The following UBQLN2 variants were observed in gnomAD, a reference collection of about 807,000 sequenced individuals.
UBQLN2 encodes the protein ubiquilin 2.
In UBQLN2, 2 loss-of-function variants were observed where a neutral mutation model predicts 22.2. The observed-to-expected ratio is 0.09, with a 90% CI of 0.04 to 0.28. The LOEUF (loss-of-function observed/expected upper bound fraction) is 0.28, where lower values mean the gene tolerates loss of function less well. Among genes scored for constraint, UBQLN2 ranks in the 10% least tolerant of loss-of-function variants. The probability of loss-of-function intolerance (pLI) is 1.00; values close to 1 mark genes in which losing one functional copy is unlikely to be tolerated. For synonymous variants in UBQLN2, 252 were observed against 206.7 expected, an observed-to-expected ratio of 1.22 and a Z score of -1.88; for missense variants, 446 against 505.1, an observed-to-expected ratio of 0.88 and a Z score of 1.12.
Position 56,565,669 on chromosome X carries a change from C to G in UBQLN2, c.1796C>G (p.Ala599Gly). ...LNAMGFLNRE[A>G]NLQALIATGG... ...GCAATGGGGTTCTTAAACCGTGAAGCAAACTTGCAGGCCCTAATAGCAACA... is the reference window on the plus strand; with the variant it reads ...GCAATGGGGTTCTTAAACCGTGAAGGAAACTTGCAGGCCCTAATAGCAACA... The change falls in exon 1 of 1, where the codon GCA (alanine) becomes GGA (glycine). Residue 599 changes from alanine to glycine, a missense_variant. Ala to Gly is a moderately conservative substitution (Grantham distance 60). Transcript: ENST00000338222. 1 of 1,212,071 alleles carries G rather than the reference C, an allele frequency of 8.3e-7. No homozygotes were observed. Among genetic ancestry groups the G allele is most frequent in the Non-Finnish European group, 1.1e-6 (1 of 895,496 alleles).
Position 56,565,318 on chromosome X carries a change from T to A in UBQLN2, c.1445T>A (p.Val482Glu). The A allele has an allele frequency of 8.3e-7, 1 of 1,210,270 alleles. No individual in the cohort carries two copies. The highest frequency in any genetic ancestry group is 1.1e-6 in the Non-Finnish European group (1 of 894,669). The change falls in exon 1 of 1, where the codon GTG (valine) becomes GAG (glutamate). Residue 482 changes from valine (V) to glutamate (E), a missense_variant. This residue lies in a region of UBQLN2 where 278 missense variants were observed against 279.4 expected (regional missense o/e 1.00). Coordinates refer to ENST00000338222, the MANE Select transcript of UBQLN2 (RefSeq NM_013444.4). The part of the protein sequence containing the change: ...LIPSFTPGVG[V>E]GVLGTAIGPV... ...CCGAGCTTCACTCCAGGTGTGGGGGTGGGGGTGCTGGGAACCGCTATAGGC... is the reference window on the plus strand; with the variant it reads ...CCGAGCTTCACTCCAGGTGTGGGGGAGGGGGTGCTGGGAACCGCTATAGGC...
Position 56,564,731 on chromosome X carries a change from G to T in UBQLN2, c.858G>T (p.Gln286His), listed in dbSNP as rs148135031. The change falls in exon 1 of 1, where the codon CAG becomes CAT. Residue 286 changes from glutamine (Q) to histidine (H), a missense_variant. Gln to His is a conservative substitution (Grantham distance 24, BLOSUM62 0). Around this residue, in one of 3 missense-constraint regions of UBQLN2, gnomAD observed 278 missense variants for 279.4 expected, o/e 1.00. Transcript: ENST00000338222. ...QEPMLNAAQE[Q>H]FGGNPFASVG... ...CGATGCTGAATGCCGCACAAGAGCA[G>T]TTTGGGGGTAATCCATTTGCCTCCG... 2 of 1,209,776 alleles carry T rather than the reference G, an allele frequency of 1.7e-6. No homozygotes were observed. The highest frequency in any genetic ancestry group is 1.8e-5 in the African/African-American group (1 of 57,102).
chrX:56,564,932 C>T lies in UBQLN2; in HGVS notation c.1059C>T (p.Thr353=), dbSNP rs1370877343. 3 of 1,210,809 alleles carry T rather than the reference C, an allele frequency of 2.5e-6. No homozygotes were observed. Among genetic ancestry groups the T allele is most frequent in the Non-Finnish European group, 3.4e-6 (3 of 894,994 alleles). The change falls in exon 1 of 1, where the codon ACC becomes ACT. Residue 353 remains threonine (T), a synonymous_variant. Transcript: ENST00000338222. ...GTTCCAGCAATGCTACTGGGAACAC[C>T]GTTGCTGCCGCTAATTATGTCGCCA... is the stretch of plus-strand genomic sequence containing the variant. The part of the protein sequence containing the change: ...GNSSSNATGN[T]VAAANYVASI...
At position 56,564,129 on chromosome X, in the gene UBQLN2, A is replaced by C; in HGVS notation, c.256A>C (p.Thr86Pro). ...FAGKILKDQD[T>P]LIQHGIHDGL... ...CGGAAAAATCTTAAAAGATCAAGAT[A>C]CCTTGATCCAGCATGGCATCCATGA... is the stretch of plus-strand genomic sequence containing the variant. Residue 86 changes from threonine (T) to proline (P), a missense_variant, in exon 1 of 1, where the codon ACC becomes CCC. Transcript: ENST00000338222. 1.7e-6 allele frequency: 2 copies of C among 1,211,120 alleles called. No individual in the cohort carries two copies. Among genetic ancestry groups the C allele is most frequent in the Non-Finnish European group, 2.2e-6 (2 of 895,060 alleles).
chrX:56,565,059 A>G lies in UBQLN2; in HGVS notation c.1186A>G (p.Met396Val). 1 of 1,211,896 alleles carries G rather than the reference A, an allele frequency of 8.3e-7. No homozygotes were observed. Among genetic ancestry groups the G allele is most frequent in the African/African-American group, 1.7e-5 (1 of 57,880 alleles). The change falls in exon 1 of 1, where the codon ATG becomes GTG. Residue 396 changes from methionine to valine, a missense_variant. Physicochemically the swap from Met to Val is conservative, Grantham distance 21. This residue lies in a region of UBQLN2 where 278 missense variants were observed against 279.4 expected (regional missense o/e 1.00). Coordinates refer to ENST00000338222, the MANE Select transcript of UBQLN2 (RefSeq NM_013444.4). ...MLSAPYMRSM[M>V]QSLSQNPDLA... is the part of the protein sequence containing the mutation. ...GTCGGCGCCCTACATGAGAAGCATG[A>G]TGCAGTCGCTGAGCCAGAATCCAGA...
rs1417300108 is a variant in UBQLN2 at position 56,567,105 on chromosome X, G to A, written c.*1357G>A. On this transcript the variant is annotated 3_prime_UTR_variant, in exon 1 of 1. Coordinates refer to ENST00000338222, the MANE Select transcript of UBQLN2 (RefSeq NM_013444.4). ...GAATTATCTTGATGTATGGATTTAGGTATTCTAACTTTTTTGCCCCAAAGG... is the reference window on the plus strand; with the variant it reads ...GAATTATCTTGATGTATGGATTTAGATATTCTAACTTTTTTGCCCCAAAGG... 1.6e-5 allele frequency: 2 copies of A among 122,382 alleles called. No individual in the cohort carries two copies. The highest frequency in any genetic ancestry group is 3.7e-4 in the South Asian group (1 of 2,670). 10.1% of individuals were successfully genotyped at this position (122,382 alleles called of 1,213,427 possible).
rs201549050 is a variant in UBQLN2, at chrX:56,564,892, G to T, written c.1019G>T (p.Ser340Ile). The stretch of plus-strand genomic sequence containing the variant: ...ACCAGCACGACCACAAGCACTGGTA[G>T]TGGGTCTGGCAATAGTTCCAGCAAT... ...ATTSTTTSTG[S>I]GSGNSSSNAT... The change falls in exon 1 of 1, where the codon AGT becomes ATT. Residue 340 changes from serine (S) to isoleucine (I), a missense_variant. Physicochemically the swap from Ser to Ile is moderately radical, Grantham distance 142 (BLOSUM62 -2). Coordinates refer to ENST00000338222, the MANE Select transcript of UBQLN2 (RefSeq NM_013444.4). 1.6e-5 allele frequency: 19 copies of T among 1,211,299 alleles called. No individual in the cohort carries two copies. Among genetic ancestry groups the T allele is most frequent in the Middle Eastern group, 4.6e-4 (2 of 4,355 alleles).
Position 56,567,379 on chromosome X carries a change from A to C in UBQLN2, c.*1631A>C, listed in dbSNP as rs950412535. On this transcript the variant is annotated 3_prime_UTR_variant, in exon 1 of 1. Coordinates refer to ENST00000338222, the MANE Select transcript of UBQLN2 (RefSeq NM_013444.4). ...ATTTTACCAGATGAATTTTACAGTT[A>C]ATAGATTCTTCCCCCAAAAATATAT... is the stretch of plus-strand genomic sequence containing the variant. 2 of 122,939 alleles carry C rather than the reference A, an allele frequency of 1.6e-5. No individual in the cohort carries two copies. The highest frequency in any genetic ancestry group is 6.5e-5 in the African/African-American group (2 of 30,753). 10.1% of individuals were successfully genotyped at this position (122,939 alleles called of 1,213,427 possible).
At position 56,566,406 on chromosome X, in the gene UBQLN2, A is replaced by G. The variant is rs2068642809; in HGVS notation, c.*658A>G. ...CAATTGGCACTGTACATCTAAAAAT[A>G]TTACAGTAGAATCTGAGTGTAATAT... is the stretch of plus-strand genomic sequence containing the variant. On this transcript the variant is annotated 3_prime_UTR_variant, in exon 1 of 1. Transcript: ENST00000338222. 1.6e-5 allele frequency: 2 copies of G among 123,920 alleles called. No individual in the cohort carries two copies. Among genetic ancestry groups the G allele is most frequent in the Admixed American group, 9.4e-5 (1 of 10,676 alleles). 10.2% of individuals were successfully genotyped at this position (123,920 alleles called of 1,213,427 possible). A position where few individuals can be genotyped will look rare whatever the true frequency, so the allele number is the denominator to read the frequency against.
In UBQLN2 at chrX:56,565,312, T is replaced by C. The variant is rs763116934; in HGVS notation, c.1439T>C (p.Val480Ala). 8.3e-7 allele frequency: 1 copy of C among 1,210,723 alleles called. No homozygotes were observed. The highest frequency in any genetic ancestry group is 1.1e-6 in the Non-Finnish European group (1 of 894,821). The change falls in exon 1 of 1, where the codon GTG becomes GCG. Residue 480 changes from valine to alanine, a missense_variant. Physicochemically the swap from Val to Ala is moderately conservative, Grantham distance 64 (BLOSUM62 0). Transcript: ENST00000338222. ...CTGATTCCGAGCTTCACTCCAGGTG[T>C]GGGGGTGGGGGTGCTGGGAACCGCT... ...PGLIPSFTPGVGVGVLGTAIG... is the reference protein window; with the variant it reads ...PGLIPSFTPGAGVGVLGTAIG...
rs772848578 is a variant in UBQLN2, at chrX:56,565,149, A to T, written c.1276A>T (p.Met426Leu). 3 of 1,211,578 alleles carry T rather than the reference A, an allele frequency of 2.5e-6. No homozygotes were observed. The highest frequency in any genetic ancestry group is 3.5e-5 in the African/African-American group (2 of 57,884). ...FTANPQLQEQ[M>L]RPQLPAFLQQ... ...TGCAAATCCTCAGCTGCAGGAGCAGATGCGGCCACAGCTCCCAGCCTTCCT... is the reference window on the plus strand; with the variant it reads ...TGCAAATCCTCAGCTGCAGGAGCAGTTGCGGCCACAGCTCCCAGCCTTCCT... Residue 426 changes from methionine to leucine, a missense_variant, in exon 1 of 1, where the codon ATG (methionine) becomes TTG (leucine). By Grantham distance (15) the Met-to-Leu change is conservative. Around this residue, in one of 3 missense-constraint regions of UBQLN2, gnomAD observed 278 missense variants for 279.4 expected, o/e 1.00. Transcript: ENST00000338222.
chrX:56,564,353 C>T lies in UBQLN2; in HGVS notation c.480C>T (p.Ser160=). The change falls in exon 1 of 1, where the codon AGC becomes AGT. Residue 160 remains serine, a synonymous_variant. Coordinates refer to ENST00000338222, the MANE Select transcript of UBQLN2 (RefSeq NM_013444.4). ...CAGGCCTTAGCAGCCTGGGCTTGAGCTCGACCAACTTCTCTGAGCTCCAGA... is the reference window on the plus strand; with the variant it reads ...CAGGCCTTAGCAGCCTGGGCTTGAGTTCGACCAACTTCTCTGAGCTCCAGA... ...GLAGLSSLGL[S]STNFSELQSQ... The T allele has an allele frequency of 8.3e-7, 1 of 1,211,776 alleles. No homozygotes were observed. The highest frequency in any genetic ancestry group is 1.1e-6 in the Non-Finnish European group (1 of 895,524).
At position 56,565,870 on chromosome X, in the gene UBQLN2, T is replaced by C; in HGVS notation, c.*122T>C. 1 of 728,592 alleles carries C rather than the reference T, an allele frequency of 1.4e-6. No individual in the cohort carries two copies. The highest frequency in any genetic ancestry group is 2.1e-6 in the Non-Finnish European group (1 of 478,913). The allele number at this position is 728,592 out of a possible 1,213,427, so 60.0% of individuals were successfully genotyped here. A position where few individuals can be genotyped will look rare whatever the true frequency, so the allele number is the denominator to read the frequency against. ...TGATTCTTTTAAATCTGTCTAGTTGTAAGTCTAATATGATGCATTTTAAGA... is the reference window on the plus strand; with the variant it reads ...TGATTCTTTTAAATCTGTCTAGTTGCAAGTCTAATATGATGCATTTTAAGA... On this transcript the variant is annotated 3_prime_UTR_variant, in exon 1 of 1. Coordinates refer to ENST00000338222, the MANE Select transcript of UBQLN2 (RefSeq NM_013444.4).
In UBQLN2 at chrX:56,564,241, C is replaced by G. The variant is rs1450623972; in HGVS notation, c.368C>G (p.Thr123Ser). 4 of 1,209,306 alleles carry G rather than the reference C, an allele frequency of 3.3e-6. No individual in the cohort carries two copies. Among genetic ancestry groups the G allele is most frequent in the Admixed American group, 2.2e-5 (1 of 45,776 alleles). ...CCTAGCAATGCCGCGGGAACTAACA[C>G]TACCTCGGCGTCGACTCCCAGGAGT... is the stretch of plus-strand genomic sequence containing the variant. ...TQPSNAAGTN[T>S]TSASTPRSNS... Residue 123 changes from threonine to serine, a missense_variant, in exon 1 of 1, where the codon ACT becomes AGT. By Grantham distance (58) the Thr-to-Ser change is moderately conservative (BLOSUM62 1). Around this residue, in one of 3 missense-constraint regions of UBQLN2, gnomAD observed 129 missense variants for 198.1 expected, o/e 0.65. Transcript: ENST00000338222.
In UBQLN2 at chrX:56,563,653, A is replaced by G. The variant is rs2068626285; in HGVS notation, c.-221A>G. Reference sequence around the variant, plus strand: ...CAAGGCGGCGGCGGAGGAGGCCCAGAGACCGGAGCGCGGAGACCTCAGCCA... The same window carrying G: ...CAAGGCGGCGGCGGAGGAGGCCCAGGGACCGGAGCGCGGAGACCTCAGCCA... On this transcript the variant is annotated 5_prime_UTR_variant, in exon 1 of 1. Transcript: ENST00000338222. The G allele has an allele frequency of 8.8e-6, 3 of 339,777 alleles. No individual in the cohort carries two copies. The highest frequency in any genetic ancestry group is 1.5e-5 in the Non-Finnish European group (3 of 199,382). The allele number at this position is 339,777 out of a possible 1,213,427, so 28.0% of individuals were successfully genotyped here. A position where few individuals can be genotyped will look rare whatever the true frequency, so the allele number is the denominator to read the frequency against.
rs2068629443 is a variant in UBQLN2, at chrX:56,564,131, C to T, written c.258C>T (p.Thr86=). The stretch of plus-strand genomic sequence containing the variant: ...GAAAAATCTTAAAAGATCAAGATAC[C>T]TTGATCCAGCATGGCATCCATGATG... ...FAGKILKDQD[T]LIQHGIHDGL... The change falls in exon 1 of 1, where the codon ACC becomes ACT. Residue 86 remains threonine, a synonymous_variant. Transcript: ENST00000338222. 8.3e-7 allele frequency: 1 copy of T among 1,211,391 alleles called. No individual in the cohort carries two copies. The highest frequency in any genetic ancestry group is 1.1e-6 in the Non-Finnish European group (1 of 895,080).
Position 56,564,232 on chromosome X carries a change from G to C in UBQLN2, c.359G>C (p.Gly120Ala), listed in dbSNP as rs143736302. The C allele has an allele frequency of 4.2e-5, 51 of 1,209,158 alleles. No individual in the cohort carries two copies. The African/African-American group carries it at 8.8e-4, about 21-fold the overall frequency. Residue 120 changes from glycine (G) to alanine (A), a missense_variant, in exon 1 of 1, where the codon GGA becomes GCA. Gly to Ala is a moderately conservative substitution (Grantham distance 60). This residue lies in a region of UBQLN2 where 129 missense variants were observed against 198.1 expected (regional missense o/e 0.65). Transcript: ENST00000338222. Reference sequence around the variant, plus strand: ...TCCACGCAGCCTAGCAATGCCGCGGGAACTAACACTACCTCGGCGTCGACT... The same window carrying C: ...TCCACGCAGCCTAGCAATGCCGCGGCAACTAACACTACCTCGGCGTCGACT... The part of the protein sequence containing the change: ...GQSTQPSNAA[G>A]TNTTSASTPR...
Sources: gnomAD v4.1 joint callset for allele counts on GRCh38, gnomAD v4.1.1 for gene constraint, gnomAD v4.1.1 regional missense constraint, MANE v1.5 for transcripts, NCBI Gene and HGNC (gene_info 2026-07-23, HGNC 2026-07-21) for gene names.